The following PTER variants were observed in gnomAD, a reference collection of about 807,000 sequenced individuals.
PTER encodes phosphotriesterase related.
PTER carries 38 observed loss-of-function variants against 29.6 expected under a neutral mutation model. The observed-to-expected ratio is 1.28, with a 90% confidence interval of 0.99 to 1.68. PTER has a LOEUF of 1.68. PTER is among the 40% of genes most tolerant of loss of function. The pLI, the probability that PTER is intolerant of heterozygous loss-of-function variation, is 0.00. For missense variants in PTER, 482 were observed against 427.8 expected, an observed-to-expected ratio of 1.13 and a Z score of -1.12; for synonymous variants, 172 against 154.5, an observed-to-expected ratio of 1.11 and a Z score of -0.84.
chr10:16,486,419 T>C lies in PTER; in HGVS notation c.500T>C (p.Ile167Thr), dbSNP rs371453840. 1.4e-5 allele frequency: 22 copies of C among 1,613,918 alleles called. No individual in the cohort carries two copies. The highest frequency in any genetic ancestry group is 1.6e-4 in the Middle Eastern group (1 of 6,084). The stretch of plus-strand genomic sequence containing the variant: ...GGAACCAGTATCAAGTGTGGCATTA[T>C]TGGAGAAATTGGTTGCTCCTGGCCT... ...ADGTSIKCGIIGEIGCSWPLT... is the reference protein window; with the variant it reads ...ADGTSIKCGITGEIGCSWPLT... Residue 167 changes from isoleucine (I) to threonine (T), a missense_variant, in exon 3 of 5, where the codon ATT (isoleucine) becomes ACT (threonine). Physicochemically the swap from Ile to Thr is moderately conservative, Grantham distance 89. Transcript: ENST00000535784.
At chr10:16,450,909 CTT>C (rs1834185270) in intron 1 of PTER, among the ~76,000 whole-genome samples, 1 of 152,188 alleles carries the variant, frequency 6.6e-6, no homozygotes, top group South Asian at 2.1e-4. Flanking sequence ...TTGCATAACT[CTT>C]TAAACAGTTT....
At chr10:16,507,217 T>TATATATATATATATATATATATATAG (rs1836608475) in intron 4 of PTER, among the ~76,000 whole-genome samples, 2 of 150,238 alleles carry the variant, frequency 1.3e-5, no homozygotes, top group Admixed American at 1.3e-4. Flanking sequence ...TATATATATA[T>TATATATATATATATATATATATATAG]ATATGTTCAA....
chr10:16,468,508 C>T (rs1395926043), intron 1 of PTER, among the ~76,000 whole-genome samples: 1 of 151,736 alleles, frequency 6.6e-6, no homozygotes, highest in African/African-American at 2.4e-5. Context: ...TTGTATGATT[C>T]CTTTGTGCGA....
Position 16,513,335 on chromosome 10 carries a change from A to G in PTER, c.*2079A>G, listed in dbSNP as rs775034499. ...TGTTTGTGTGTGTATATATGCATAC[A>G]CTTTTTTATATTAAAATTTTGAGGC... On this transcript the variant is annotated 3_prime_UTR_variant, in exon 5 of 5. Coordinates refer to ENST00000535784, the MANE Select transcript of PTER (RefSeq NM_001261836.2). 3.9e-5 allele frequency: 6 copies of G among 152,484 alleles called. No individual in the cohort carries two copies. Among genetic ancestry groups the G allele is most frequent in the African/African-American group, 1.2e-4 (5 of 41,422 alleles). The allele number at this position is 152,484 out of a possible 1,614,324, so 9.4% of individuals were successfully genotyped here.
At chr10:16,483,152 GT>G (rs1835543810) in intron 1 of PTER, among the ~76,000 whole-genome samples, 1 of 152,188 alleles carries the variant, frequency 6.6e-6, no homozygotes, top group Non-Finnish European at 1.5e-5. Flanking sequence ...TGGAATTGGA[GT>G]TCTTGGTATC....
chr10:16,441,380 T>C (rs1488746758), intron 1 of PTER, among the ~76,000 whole-genome samples: 6 of 152,202 alleles, frequency 3.9e-5, no homozygotes, highest in Non-Finnish European at 8.8e-5. Context: ...CATTGACTAA[T>C]ACGTTTTTTT....
Position 16,513,449 on chromosome 10 carries a change from AATAT to A in PTER, c.*2200_*2203del, listed in dbSNP as rs570077001. On this transcript the variant is annotated 3_prime_UTR_variant, in exon 5 of 5. Coordinates refer to ENST00000535784, the MANE Select transcript of PTER (RefSeq NM_001261836.2). ...TATACATAAATAAAACATTTCATCT[AATAT>A]ATATATGTGTGTGTGAGTATATGTG... 1 of 151,900 alleles carries A rather than the reference AATAT, an allele frequency of 6.6e-6. No homozygotes were observed. The highest frequency in any genetic ancestry group is 1.5e-5 in the Non-Finnish European group (1 of 67,800). 9.4% of individuals were successfully genotyped at this position (151,900 alleles called of 1,614,324 possible).
intron 3 of PTER, among the ~76,000 whole-genome samples, chr10:16,491,343 G>T (rs1564403976): frequency 6.6e-6 from 1 of 152,136 alleles, no homozygotes; most frequent in South Asian, 2.1e-4. Flanking sequence ...AATCAGGGAG[G>T]CAGATGCAGG....
At chr10:16,486,134 T>A (rs1835685384) in intron 2 of PTER, among the ~76,000 whole-genome samples, 2 of 152,212 alleles carry the variant, frequency 1.3e-5, no homozygotes, top group South Asian at 4.1e-4. Context: ...TAAATAATCA[T>A]GGTATGATAT....
At chr10:16,498,564 C>T (rs1353421678) in intron 3 of PTER, among the ~76,000 whole-genome samples, 3 of 152,138 alleles carry the variant, frequency 2.0e-5, no homozygotes, top group African/African-American at 7.2e-5. Flanking sequence ...GCCTGTGTGA[C>T]GGAGCGAGAC....
intron 3 of PTER, among the ~76,000 whole-genome samples, chr10:16,491,433 C>T (rs1835893971): frequency 6.6e-6 from 1 of 152,162 alleles, no homozygotes; most frequent in Non-Finnish European, 1.5e-5. Context: ...CTCTCACAGA[C>T]TCTCTGAGGT....
intron 3 of PTER, among the ~76,000 whole-genome samples, chr10:16,490,701 A>G (rs1835868103): frequency 6.7e-6 from 1 of 149,728 alleles, no homozygotes; most frequent in African/African-American, 2.5e-5. Flanking sequence ...GTGAACATCT[A>G]GTCTGCCATA....
intron 4 of PTER, among the ~76,000 whole-genome samples, chr10:16,510,021 A>C (rs1836751038): frequency 6.6e-6 from 1 of 152,194 alleles, no homozygotes; most frequent in Non-Finnish European, 1.5e-5. Flanking sequence ...TGAAACAAAA[A>C]AGATACCTTT....
downstream of PTER, among the ~76,000 whole-genome samples, chr10:16,515,822 T>C (rs1481602730): frequency 5.9e-5 from 9 of 152,182 alleles, no homozygotes. Flanking sequence ...TCCACTATAA[T>C]GATATTTCCC....
intron 1 of PTER, among the ~76,000 whole-genome samples, chr10:16,479,581 G>A (rs1451357361): frequency 6.6e-6 from 1 of 152,116 alleles, no homozygotes; most frequent in Non-Finnish European, 1.5e-5. Flanking sequence ...GCTCTGTGAT[G>A]TAACACTTCA....
rs73595334 is a variant in PTER at position 16,482,470 on chromosome 10, A to G, written c.-48-1867A>G. On this transcript the variant is annotated intron_variant, in intron 1 of 4. Coordinates refer to ENST00000535784, the MANE Select transcript of PTER (RefSeq NM_001261836.2). The stretch of plus-strand genomic sequence containing the variant: ...TGAATATGGTCTGCGTGCCAAATGC[A>G]TCTACAGGTATTTTTACCTGTGGTA... Among the ~76,000 whole-genome samples the G allele has an allele frequency of 1.6e-4, 25 of 152,212 alleles. 1 individual carries two copies. The highest frequency in any genetic ancestry group is 1.5e-5 in the Non-Finnish European group (1 of 68,036).
At chr10:16,495,709 C>A (rs972617059) in intron 3 of PTER, among the ~76,000 whole-genome samples, 14 of 152,148 alleles carry the variant, frequency 9.2e-5, no homozygotes, top group African/African-American at 3.1e-4. Flanking sequence ...CACAGGCCCA[C>A]CACTTGCCCA....
chr10:16,482,978 C>T (rs1374934993), intron 1 of PTER, among the ~76,000 whole-genome samples: 5 of 152,112 alleles, frequency 3.3e-5, no homozygotes, highest in African/African-American at 4.8e-5. Flanking sequence ...GACGGGTTTT[C>T]ACCATGTTGG....
Position 16,511,073 on chromosome 10 carries a change from T to C in PTER, c.867T>C (p.Cys289=), listed in dbSNP as rs765813105. The C allele has an allele frequency of 6.2e-7, 1 of 1,613,838 alleles. No homozygotes were observed. The highest frequency in any genetic ancestry group is 1.7e-5 in the Admixed American group (1 of 59,986). ...TGCGTCTCCTGGTGGAAGAGGGCTGTGAAGATCGAATTCTGGTAGCACATG... is the reference window on the plus strand; with the variant it reads ...TGCGTCTCCTGGTGGAAGAGGGCTGCGAAGATCGAATTCTGGTAGCACATG... The part of the protein sequence containing the change: ...RRVRLLVEEG[C]EDRILVAHDI... The change falls in exon 5 of 5, where the codon TGT becomes TGC. Residue 289 remains cysteine (C), a synonymous_variant. Coordinates refer to ENST00000535784, the MANE Select transcript of PTER (RefSeq NM_001261836.2).
Sources: allele counts gnomAD v4.1 joint callset (sites outside exome capture counted in the v4.1 genomes callset), GRCh38; gene constraint gnomAD v4.1.1; transcripts MANE v1.5; gene names NCBI Gene and HGNC (gene_info 2026-07-23, HGNC 2026-07-21).